COMMD1: variants seen among roughly 807,000 people sequenced by gnomAD.
COMMD1 encodes the protein copper metabolism domain containing 1.
A neutral mutation model predicts 17.2 loss-of-function variants in COMMD1; 10 were observed. The observed-to-expected ratio is 0.58, with a 90% CI of 0.36 to 0.99. The LOEUF (loss-of-function observed/expected upper bound fraction) is 0.99. Among genes scored for constraint, COMMD1 ranks in the 50% least tolerant of loss-of-function variants. COMMD1 has a pLI of 0.01. For synonymous variants in COMMD1, 97 were observed against 91.6 expected, an observed-to-expected ratio of 1.06 and a Z score of -0.34; for missense variants, 270 against 231.8, an observed-to-expected ratio of 1.17 and a Z score of -1.07.
chr2:61,888,797 C>T, exon 1 of COMMD1: 1 of 471,926 alleles, frequency 2.1e-6, no homozygotes, highest in Non-Finnish European at 3.8e-6. Context: ...CCGGGGGAAC[C>T]TTTACGCGAG....
At chr2:62,047,402 C>A (rs938120403) in intron 2 of COMMD1, among the ~76,000 whole-genome samples, 1 of 152,154 alleles carries the variant, frequency 6.6e-6, no homozygotes, top group Non-Finnish European at 1.5e-5. Context: ...GACAGACTCA[C>A]CTGAGCATCC....
intron 1 of COMMD1, among the ~76,000 whole-genome samples, chr2:61,914,937 AC>A (rs1276382598): frequency 6.6e-6 from 1 of 150,570 alleles, no homozygotes; most frequent in Non-Finnish European, 1.5e-5. Context: ...TGATCCACCC[AC>A]CTGGGCCTCA....
At chr2:61,947,703 AT>A (rs1005347768) in intron 1 of COMMD1, among the ~76,000 whole-genome samples, 3 of 146,680 alleles carry the variant, frequency 2.0e-5, no homozygotes, top group East Asian at 2.0e-4. Flanking sequence ...AACAAAAAAA[AT>A]TTTTTTTTGT....
chr2:61,942,894 C>A (rs892000836), intron 1 of COMMD1, among the ~76,000 whole-genome samples: 1 of 152,046 alleles, frequency 6.6e-6, no homozygotes, highest in Non-Finnish European at 1.5e-5. Flanking sequence ...TGGCCAAAAA[C>A]ACATAACAGA....
intron 2 of COMMD1, among the ~76,000 whole-genome samples, chr2:62,023,929 G>T (rs1459154790): frequency 6.6e-6 from 1 of 152,146 alleles, no homozygotes; most frequent in Non-Finnish European, 1.5e-5. Context: ...AAAAATCAGT[G>T]TTGTTACAGA....
At chr2:62,044,175 C>A (rs1670315489) in intron 2 of COMMD1, among the ~76,000 whole-genome samples, 1 of 152,140 alleles carries the variant, frequency 6.6e-6, no homozygotes, top group Non-Finnish European at 1.5e-5. Flanking sequence ...CCCTTGCAAA[C>A]TTTGGCAGCC....
At chr2:61,950,641 G>A (rs983234800) in intron 1 of COMMD1, among the ~76,000 whole-genome samples, 10 of 152,150 alleles carry the variant, frequency 6.6e-5, no homozygotes, top group African/African-American at 2.2e-4. Flanking sequence ...TGCCAGCATC[G>A]CTATTTTTGT....
intron 2 of COMMD1, among the ~76,000 whole-genome samples, chr2:62,087,499 A>C (rs920792362): frequency 2.0e-5 from 3 of 152,226 alleles, no homozygotes; most frequent in Non-Finnish European, 2.9e-5. Flanking sequence ...TAATCCCAGC[A>C]CTTTGGGAGG....
At chr2:61,935,978 G>A (rs1343020224) in intron 1 of COMMD1, among the ~76,000 whole-genome samples, 2 of 151,900 alleles carry the variant, frequency 1.3e-5, no homozygotes, top group South Asian at 2.1e-4. Flanking sequence ...CACCATACCT[G>A]GCTAATTTTT....
chr2:61,952,194 G>A lies in COMMD1; in HGVS notation c.180+46336G>A, dbSNP rs970756689. ...AGTTTATAGTTTAACCTGAAAGCAA[G>A]GATAATATTCCTTTCCTAAAACTTA... On this transcript the variant is annotated intron_variant, in intron 1 of 2. Coordinates refer to ENST00000311832, the MANE Select transcript of COMMD1 (RefSeq NM_152516.4). Among the ~76,000 whole-genome samples, 14 of 152,174 alleles carry A rather than the reference G, an allele frequency of 9.2e-5. No homozygotes were observed. The East Asian group carries it at 2.7e-3, about 29-fold the overall frequency.
At chr2:62,059,825 TA>T (rs1281285179) in intron 2 of COMMD1, among the ~76,000 whole-genome samples, 4 of 152,260 alleles carry the variant, frequency 2.6e-5, no homozygotes, top group African/African-American at 9.6e-5. Flanking sequence ...GTGTTGCTTT[TA>T]AAGTGCTTAC....
chr2:62,004,035 C>T (rs952353409), intron 2 of COMMD1, among the ~76,000 whole-genome samples: 3 of 151,694 alleles, frequency 2.0e-5, no homozygotes, highest in Non-Finnish European at 4.4e-5. Context: ...GGCTGAGGCA[C>T]AAAAATCACT....
At chr2:62,070,827 A>T (rs1242129919) in intron 2 of COMMD1, among the ~76,000 whole-genome samples, 1 of 152,212 alleles carries the variant, frequency 6.6e-6, no homozygotes. Flanking sequence ...GTCAGGAGTT[A>T]AAGACCAGCC....
intron 2 of COMMD1, among the ~76,000 whole-genome samples, chr2:62,080,829 TACTC>T (rs2103978236): frequency 6.6e-6 from 1 of 151,856 alleles, no homozygotes; most frequent in Admixed American, 6.6e-5. Context: ...TTATATATAT[TACTC>T]AGGCAAGTTG....
At chr2:62,090,517 C>T (rs1671796635) in intron 2 of COMMD1, among the ~76,000 whole-genome samples, 1 of 152,176 alleles carries the variant, frequency 6.6e-6, no homozygotes, top group Non-Finnish European at 1.5e-5. Context: ...ACGCCTGGTC[C>T]TCAATGTCTA....
At chr2:62,103,168 C>T (rs900189732) in intron 2 of COMMD1, among the ~76,000 whole-genome samples, 4 of 151,986 alleles carry the variant, frequency 2.6e-5, no homozygotes, top group South Asian at 2.1e-4. Flanking sequence ...TTAGTAGAGA[C>T]GGAGTTTCAC....
intron 1 of COMMD1, among the ~76,000 whole-genome samples, chr2:61,898,081 A>G (rs1249487608): frequency 6.6e-6 from 1 of 152,200 alleles, no homozygotes; most frequent in Non-Finnish European, 1.5e-5. Context: ...ATTTATTTAC[A>G]TGTAATTTTC....
At chr2:61,993,846 C>G (rs1337209067) in intron 1 of COMMD1, among the ~76,000 whole-genome samples, 2 of 152,076 alleles carry the variant, frequency 1.3e-5, no homozygotes, top group Admixed American at 6.6e-5. Context: ...ATGGATATCT[C>G]TTGATATTAT....
At chr2:61,989,614 C>T (rs1365399829) in intron 1 of COMMD1, among the ~76,000 whole-genome samples, 1 of 152,014 alleles carries the variant, frequency 6.6e-6, no homozygotes, top group Non-Finnish European at 1.5e-5. Context: ...CATGTGCCAC[C>T]ATGCCTGGCT....
Sources: gnomAD v4.1 joint callset for allele counts (sites outside exome capture counted in the v4.1 genomes callset) on GRCh38, gnomAD v4.1.1 for gene constraint, MANE v1.5 for transcripts, NCBI Gene and HGNC (gene_info 2026-07-23, HGNC 2026-07-21) for gene names.